SYN3: variants seen among roughly 807,000 people sequenced by gnomAD.
SYN3 encodes the protein synapsin III.
A neutral mutation model predicts 65.8 loss-of-function variants in SYN3; 35 were observed. The ratio of observed to expected loss-of-function variants is 0.53; its 90% CI spans 0.41 to 0.70. The LOEUF (loss-of-function observed/expected upper bound fraction) is 0.70, where lower values mean the gene tolerates loss of function less well. Ranked by LOEUF, SYN3 falls within the 30% of genes least tolerant of loss-of-function variation. The pLI is 0.00. For missense variants in SYN3, 680 were observed against 749.0 expected (o/e 0.91, Z 1.08); for synonymous variants, 270 against 292.9 (o/e 0.92, Z 0.80).
chr22:32,999,818 A>G (rs2053005587), intron 2 of SYN3, among the ~76,000 whole-genome samples: 1 of 152,176 alleles, frequency 6.6e-6, no homozygotes, highest in Non-Finnish European at 1.5e-5. Flanking sequence ...ACAGGATTAT[A>G]TTAATAAAAC....
chr22:32,878,494 C>A (rs995729056), intron 4 of SYN3, among the ~76,000 whole-genome samples: 1 of 152,148 alleles, frequency 6.6e-6, no homozygotes, highest in Non-Finnish European at 1.5e-5. Context: ...CTCTCTGTAG[C>A]CCCAGCCTAG....
chr22:32,830,680 C>G (rs778629203), intron 6 of SYN3, among the ~76,000 whole-genome samples: 4 of 152,102 alleles, frequency 2.6e-5, no homozygotes, highest in Admixed American at 2.6e-4. Context: ...CCCCGCAATA[C>G]CACTGTGTGT....
chr22:32,730,806 T>A (rs1259599590), intron 6 of SYN3, among the ~76,000 whole-genome samples: 1 of 152,170 alleles, frequency 6.6e-6, no homozygotes, highest in Non-Finnish European at 1.5e-5. Flanking sequence ...ACCCAACACA[T>A]CACTTGCCAC....
At position 32,931,481 on chromosome 22, in the gene SYN3, C is replaced by T. The variant is rs781769862; in HGVS notation, c.370G>A (p.Ala124Thr). Residue 124 changes from alanine to threonine, a missense_variant and splice_region_variant, in exon 4 of 14, where the codon GCT (alanine) becomes ACT (threonine). Ala to Thr is a moderately conservative substitution (Grantham distance 58, BLOSUM62 0). Coordinates refer to ENST00000358763, the MANE Select transcript of SYN3 (RefSeq NM_003490.4). ...NGEIEIRVEQ[A>T]EFSELNLAAY... ...GCTAGGTTCAACTCTGAGAATTCAG[C>T]CTGAAGAATAAAGCAAAGCAAAAAA... is the stretch of plus-strand genomic sequence containing the variant. The T allele has an allele frequency of 6.2e-7, 1 of 1,611,958 alleles. No individual in the cohort carries two copies. Among genetic ancestry groups the T allele is most frequent in the South Asian group, 1.1e-5 (1 of 91,032 alleles).
Position 32,742,002 on chromosome 22 carries a change from G to A in SYN3, c.711+122913C>T, listed in dbSNP as rs538760928. On this transcript the variant is annotated intron_variant, in intron 6 of 13. Transcript: ENST00000358763. ...AAAGCACCAAGCCCTGGCCGGGCGCGGTGGCTCACACCTGTAATCCCAGCA... is the reference window on the plus strand; with the variant it reads ...AAAGCACCAAGCCCTGGCCGGGCGCAGTGGCTCACACCTGTAATCCCAGCA... Among the ~76,000 whole-genome samples, 9 of 152,156 alleles carry A rather than the reference G, an allele frequency of 5.9e-5. No individual in the cohort carries two copies. In the South Asian group the frequency reaches 8.3e-4, roughly 14 times the overall value.
At chr22:32,572,624 C>T (rs1004814174) in intron 7 of SYN3, among the ~76,000 whole-genome samples, 1 of 150,690 alleles carries the variant, frequency 6.6e-6, no homozygotes, top group East Asian at 2.0e-4. Context: ...ACTTTGTCAC[C>T]CAGGCTGGAG....
At chr22:32,760,308 G>C (rs374831520) in intron 6 of SYN3, among the ~76,000 whole-genome samples, 20 of 150,644 alleles carry the variant, frequency 1.3e-4, no homozygotes, top group African/African-American at 4.4e-4. Flanking sequence ...CTCCTGCCCT[G>C]CCCTTCGGTT....
At chr22:32,645,289 T>C (rs1367557592) in intron 6 of SYN3, among the ~76,000 whole-genome samples, 1 of 151,892 alleles carries the variant, frequency 6.6e-6, no homozygotes, top group Admixed American at 6.6e-5. Flanking sequence ...CCGTCTCTAC[T>C]ACAAATACAA....
intron 6 of SYN3, among the ~76,000 whole-genome samples, chr22:32,800,811 C>T (rs1473587404): frequency 6.6e-6 from 1 of 152,152 alleles, no homozygotes; most frequent in African/African-American, 2.4e-5. Context: ...CCTGGTACCT[C>T]TCTCCTGTGG....
intron 6 of SYN3, among the ~76,000 whole-genome samples, chr22:32,824,122 C>T (rs557011447): frequency 6.6e-6 from 1 of 151,856 alleles, no homozygotes; most frequent in Non-Finnish European, 1.5e-5. Flanking sequence ...ACTAAAAATA[C>T]AAAAAATTAA....
At chr22:32,580,130 A>C (rs897186822) in intron 7 of SYN3, among the ~76,000 whole-genome samples, 5 of 152,392 alleles carry the variant, frequency 3.3e-5, no homozygotes, top group African/African-American at 1.2e-4. Context: ...CAGAGCTTAC[A>C]GCCTGGTTGG....
At chr22:32,804,477 G>A (rs1392411013) in intron 6 of SYN3, among the ~76,000 whole-genome samples, 1 of 152,190 alleles carries the variant, frequency 6.6e-6, no homozygotes, top group Admixed American at 6.5e-5. Flanking sequence ...GCCCCCTAAA[G>A]GTGTTCACAT....
chr22:32,927,197 T>C (rs998894852), intron 4 of SYN3, among the ~76,000 whole-genome samples: 1 of 152,104 alleles, frequency 6.6e-6, no homozygotes, highest in African/African-American at 2.4e-5. Flanking sequence ...AAATCAACCA[T>C]TTACTTTGTG....
chr22:32,850,498 G>A (rs1259402015), intron 6 of SYN3, among the ~76,000 whole-genome samples: 1 of 152,102 alleles, frequency 6.6e-6, no homozygotes, highest in Non-Finnish European at 1.5e-5. Flanking sequence ...TCAGCAACTG[G>A]TTCATCACCC....
chr22:32,612,482 T>C (rs1259109913), intron 6 of SYN3, among the ~76,000 whole-genome samples: 1 of 152,096 alleles, frequency 6.6e-6, no homozygotes, highest in African/African-American at 2.4e-5. Flanking sequence ...AACCCACATA[T>C]TTAGTGTCAG....
chr22:32,624,160 G>T (rs529301720), intron 6 of SYN3, among the ~76,000 whole-genome samples: 1 of 152,184 alleles, frequency 6.6e-6, no homozygotes, highest in Non-Finnish European at 1.5e-5. Context: ...TGACATCATC[G>T]CTCCCTCCCT....
intron 4 of SYN3, among the ~76,000 whole-genome samples, chr22:32,897,854 G>A (rs1319580462): frequency 6.6e-6 from 1 of 152,108 alleles, no homozygotes; most frequent in Non-Finnish European, 1.5e-5. Context: ...GGGTCTTGCT[G>A]TGTTACCCAG....
chr22:32,741,430 A>T (rs756300754), intron 6 of SYN3, among the ~76,000 whole-genome samples: 1 of 139,012 alleles, frequency 7.2e-6, no homozygotes, highest in African/African-American at 2.7e-5. Flanking sequence ...ATCTCAGCTC[A>T]CTGCAAGCTC....
Position 32,508,625 on chromosome 22 carries a change from T to G in SYN3, c.*5067A>C, listed in dbSNP as rs2057658487. On this transcript the variant is annotated 3_prime_UTR_variant, in exon 14 of 14. Coordinates refer to ENST00000358763, the MANE Select transcript of SYN3 (RefSeq NM_003490.4). ...CATTGATCTTCTTCCGCTTCTTTTC[T>G]CTATCTCATTTTACTGGGTTTTGGT... 6.6e-6 allele frequency among the ~76,000 whole-genome samples: 1 copy of G among 152,230 alleles called. No individual in the cohort carries two copies. Among genetic ancestry groups the G allele is most frequent in the African/African-American group, 2.4e-5 (1 of 41,462 alleles).
Sources: allele counts gnomAD v4.1 joint callset (sites outside exome capture counted in the v4.1 genomes callset), GRCh38; gene constraint gnomAD v4.1.1; transcripts MANE v1.5; gene names NCBI Gene and HGNC (gene_info 2026-07-23, HGNC 2026-07-21).